The following SLC4A2 variants were observed in gnomAD, a reference collection of about 807,000 sequenced individuals.
SLC4A2 encodes the protein solute carrier family 4 member 2.
SLC4A2 carries 36 observed loss-of-function variants against 115.0 expected under a neutral mutation model. The ratio of observed to expected loss-of-function variants is 0.31; its 90% CI spans 0.24 to 0.41. The LOEUF is 0.41. Ranked by LOEUF, SLC4A2 falls within the 10% of genes least tolerant of loss-of-function variation. The pLI is 1.00. For synonymous variants in SLC4A2, 708 were observed against 708.3 expected (o/e 1.00, Z 0.01); for missense variants, 1,252 against 1,705.6 (o/e 0.73, Z 4.68).
intron 2 of SLC4A2, 41 bp downstream of exon 2, chr7:151,062,079 C>T (rs746142136): frequency 1.9e-6 from 3 of 1,575,444 alleles, no homozygotes; most frequent in East Asian, 2.3e-5. Flanking sequence ...CCTTCCCTCC[C>T]TGGGCAGCCT....
chr7:151,074,256 T>C lies in SLC4A2; in HGVS notation c.2753T>C (p.Leu918Pro). 6.2e-7 allele frequency: 1 copy of C among 1,611,856 alleles called. No homozygotes were observed. The highest frequency in any genetic ancestry group is 8.5e-7 in the Non-Finnish European group (1 of 1,179,652). ...GGCACCTTCTTCATCGCCTTCTTCC[T>C]GCGCAAATTCAAGAACAGCCGGTTC... ...MAGTFFIAFF[L>P]RKFKNSRFFP... Residue 918 changes from leucine to proline, a missense_variant, in exon 17 of 23, where the codon CTG (leucine) becomes CCG (proline). Coordinates refer to ENST00000413384, the MANE Select transcript of SLC4A2 (RefSeq NM_003040.4).
At position 151,066,979 on chromosome 7, in the gene SLC4A2, C is replaced by G. The variant is rs376881281; in HGVS notation, c.952C>G (p.His318Asp). Residue 318 changes from histidine to aspartate, a missense_variant, in exon 7 of 23, where the codon CAC (histidine) becomes GAC (aspartate). By Grantham distance (81) the His-to-Asp change is moderately conservative. Coordinates refer to ENST00000413384, the MANE Select transcript of SLC4A2 (RefSeq NM_003040.4). ...PTPRARPRAP[H>D]KPHEVFVELN... ...ACCTCGGGCCCGACCCCGGGCCCCC[C>G]ACAAGCCCCATGAGGTACCATGCTC... 1.1e-5 allele frequency: 18 copies of G among 1,602,316 alleles called. No individual in the cohort carries two copies. The highest frequency in any genetic ancestry group is 4.0e-5 in the African/African-American group (3 of 74,226).
chr7:151,075,531 C>T, intron 20 of SLC4A2, 23 bp downstream of exon 20: 1 of 1,594,700 alleles, frequency 6.3e-7, no homozygotes, highest in Non-Finnish European at 8.5e-7. Context: ...TTGCCTTTCC[C>T]TTCCCAGTGG....
chr7:151,068,915 G>A (rs1797328604), intron 8 of SLC4A2, among the ~76,000 whole-genome samples: 1 of 151,666 alleles, frequency 6.6e-6, no homozygotes, highest in Admixed American at 6.6e-5. Flanking sequence ...TGAGGTGGGT[G>A]GATTACGAGG....
Position 151,076,060 on chromosome 7 carries a change from C to T in SLC4A2, c.3519C>T (p.Cys1173=), listed in dbSNP as rs1392114435. 6.2e-7 allele frequency: 1 copy of T among 1,611,640 alleles called. No homozygotes were observed. Among genetic ancestry groups the T allele is most frequent in the Non-Finnish European group, 8.5e-7 (1 of 1,179,834 alleles). ...MHLFTALQLL[C]LALLWAVMST... The stretch of plus-strand genomic sequence containing the variant: ...TGTTCACGGCCCTGCAGCTGCTCTG[C>T]CTGGCCCTGCTCTGGGCCGTCATGT... The change falls in exon 22 of 23, where the codon TGC becomes TGT. Residue 1173 remains cysteine (C), a synonymous_variant. Coordinates refer to ENST00000413384, the MANE Select transcript of SLC4A2 (RefSeq NM_003040.4).
At chr7:151,068,873 C>T (rs574083359) in intron 8 of SLC4A2, among the ~76,000 whole-genome samples, 1 of 151,406 alleles carries the variant, frequency 6.6e-6, no homozygotes, top group Non-Finnish European at 1.5e-5. Context: ...GGCGCGGTGG[C>T]TCATGCCTAT....
chr7:151,065,723 G>A (rs577743863), intron 5 of SLC4A2, among the ~76,000 whole-genome samples: 1 of 152,220 alleles, frequency 6.6e-6, no homozygotes, highest in South Asian at 2.1e-4. Flanking sequence ...CCTTAGGGGC[G>A]CCAGGATGGC....
At position 151,071,322 on chromosome 7, in the gene SLC4A2, A is replaced by G. The variant is rs1017765263; in HGVS notation, c.1975+25A>G. The G allele has an allele frequency of 5.2e-6, 8 of 1,544,128 alleles. No homozygotes were observed. In the African/African-American group the frequency reaches 8.2e-5, roughly 16 times the overall value. ...GGTACGGCCAGGGCGGGCTGGGGCC[A>G]GGGCTGCCTCGAGGGGGTGAGGTGG... On this transcript the variant is annotated intron_variant, in intron 13 of 22. Transcript: ENST00000413384. This position sits in a 1 kb window ranked among gnomAD's most constrained non-coding sequence, Gnocchi z 5.5.
intron 8 of SLC4A2, among the ~76,000 whole-genome samples, chr7:151,069,150 A>AAAAAAATAAAAAAAAAAAAAT (rs1797340870): frequency 6.8e-6 from 1 of 146,462 alleles, no homozygotes; most frequent in Non-Finnish European, 1.5e-5. Flanking sequence ...CAAAAAAAAA[A>AAAAAAATAAAAAAAAAAAAAT]AAAAAAAAAG....
In SLC4A2 at chr7:151,070,249, TG is replaced by T; in HGVS notation, c.1356del (p.His453IlefsTer52). ...NISAGSLGSL[L>X]GHHHGQGAES... ...TCAGCTGGCTCCCTGGGCTCCCTGC[TG>T]GGGCATCACCATGGTCAGGGGGCTG... On this transcript the variant is annotated frameshift_variant, in exon 10 of 23. Coordinates refer to ENST00000413384, the MANE Select transcript of SLC4A2 (RefSeq NM_003040.4). LOFTEE classifies it high-confidence loss of function. 1 of 1,614,058 alleles carries T rather than the reference TG, an allele frequency of 6.2e-7. No individual in the cohort carries two copies. Among genetic ancestry groups the T allele is most frequent in the Non-Finnish European group, 8.5e-7 (1 of 1,180,024 alleles).
chr7:151,076,370 G>T lies in SLC4A2; in HGVS notation c.*3G>T. On this transcript the variant is annotated 3_prime_UTR_variant, in exon 23 of 23. Transcript: ENST00000413384. ...ATGAGATGCCCATGCCTGTGTAGCC[G>T]CCACCGAGGGACAGCCGAGGGACCG... The T allele has an allele frequency of 6.7e-7, 1 of 1,490,440 alleles. No homozygotes were observed. Among genetic ancestry groups the T allele is most frequent in the Non-Finnish European group, 8.9e-7 (1 of 1,119,656 alleles). The allele number at this position is 1,490,440 out of a possible 1,614,324, so 92.3% of individuals were successfully genotyped here. A position where few individuals can be genotyped will look rare whatever the true frequency, so the allele number is the denominator to read the frequency against.
At position 151,064,598 on chromosome 7, in the gene SLC4A2, A is replaced by G. The variant is rs768379020; in HGVS notation, c.290A>G (p.Lys97Arg). The G allele has an allele frequency of 1.9e-6, 3 of 1,613,116 alleles. No individual in the cohort carries two copies. Among genetic ancestry groups the G allele is most frequent in the East Asian group, 4.5e-5 (2 of 44,896 alleles). ...CTGCCTCCGGATGCACGCCGCCGCA[A>G]GACACCCCAGGGCCCAGGACGGAAG... ...THLPPDARRRKTPQGPGRKPR... is the reference protein window; with the variant it reads ...THLPPDARRRRTPQGPGRKPR... Residue 97 changes from lysine to arginine, a missense_variant, in exon 4 of 23, where the codon AAG becomes AGG. Lys to Arg is a conservative substitution (Grantham distance 26). Transcript: ENST00000413384.
At chr7:151,075,571 C>T (rs1232676818) in intron 20 of SLC4A2, 35 bp from the exon 21 acceptor site, 68 of 1,585,640 alleles carry the variant, frequency 4.3e-5, no homozygotes, top group Non-Finnish European at 5.8e-5. Context: ...GCCAGGGGAC[C>T]CCGGGGCCAA....
At position 151,074,417 on chromosome 7, in the gene SLC4A2, G is replaced by A; in HGVS notation, c.2809G>A (p.Asp937Asn). The change falls in exon 18 of 23, where the codon GAC becomes AAC. Residue 937 changes from aspartate (D) to asparagine (N), a missense_variant. Transcript: ENST00000413384. ...FPGRIRRVIGDFGVPIAILIM... is the reference protein window; with the variant it reads ...FPGRIRRVIGNFGVPIAILIM... ...CACTCAGATCCGGCGGGTGATTGGGGACTTTGGGGTGCCCATCGCCATCCT... is the reference window on the plus strand; with the variant it reads ...CACTCAGATCCGGCGGGTGATTGGGAACTTTGGGGTGCCCATCGCCATCCT... 6.2e-7 allele frequency: 1 copy of A among 1,613,976 alleles called. No homozygotes were observed. The highest frequency in any genetic ancestry group is 8.5e-7 in the Non-Finnish European group (1 of 1,180,024).
Position 151,060,427 on chromosome 7 carries a change from G to C in SLC4A2, c.-64+665G>C, listed in dbSNP as rs924909478. On this transcript the variant is annotated intron_variant, in intron 1 of 22. Transcript: ENST00000413384. The surrounding 1 kb of genome is among the most constrained non-coding windows in gnomAD (Gnocchi z 5.9). ...GCTGCGGAATTTACGAGTTCACTTG[G>C]GGGGTGGTTAATGCCCAAGTGGGGG... Among the ~76,000 whole-genome samples the C allele has an allele frequency of 2.6e-5, 4 of 152,232 alleles. No homozygotes were observed. Among genetic ancestry groups the C allele is most frequent in the Non-Finnish European group, 5.9e-5 (4 of 68,040 alleles).
intron 2 of SLC4A2, chr7:151,062,681 C>A: frequency 6.7e-7 from 1 of 1,503,046 alleles, no homozygotes; most frequent in East Asian, 2.6e-5. Flanking sequence ...GGGTCTGCGA[C>A]CCTCTCTCCC....
Position 151,071,658 on chromosome 7 carries a change from C to A in SLC4A2, c.2192-31C>A. The stretch of plus-strand genomic sequence containing the variant: ...GCGGGGACTGCCCAGGGCCTGGCCA[C>A]CAGCTCCTGAGCTGGTTCCTACACC... On this transcript the variant is annotated intron_variant, in intron 14 of 22. Coordinates refer to ENST00000413384, the MANE Select transcript of SLC4A2 (RefSeq NM_003040.4). This position sits in a 1 kb window ranked among gnomAD's most constrained non-coding sequence, Gnocchi z 5.5. 6.2e-7 allele frequency: 1 copy of A among 1,612,452 alleles called. No homozygotes were observed. The highest frequency in any genetic ancestry group is 8.5e-7 in the Non-Finnish European group (1 of 1,179,198).
At chr7:151,063,742 G>GT (rs756413384) in intron 2 of SLC4A2, among the ~76,000 whole-genome samples, 47 of 151,396 alleles carry the variant, frequency 3.1e-4, no homozygotes, top group Non-Finnish European at 6.2e-4. Flanking sequence ...TTTTGTTTTT[G>GT]TTTTGAGACG....
Position 151,071,659 on chromosome 7 carries a change from C to T in SLC4A2, c.2192-30C>T, listed in dbSNP as rs767723591. On this transcript the variant is annotated intron_variant, in intron 14 of 22. Coordinates refer to ENST00000413384, the MANE Select transcript of SLC4A2 (RefSeq NM_003040.4). This position sits in a 1 kb window ranked among gnomAD's most constrained non-coding sequence, Gnocchi z 5.5. Reference sequence around the variant, plus strand: ...CGGGGACTGCCCAGGGCCTGGCCACCAGCTCCTGAGCTGGTTCCTACACCC... The same window carrying T: ...CGGGGACTGCCCAGGGCCTGGCCACTAGCTCCTGAGCTGGTTCCTACACCC... 4 of 1,612,222 alleles carry T rather than the reference C, an allele frequency of 2.5e-6. No homozygotes were observed. In the East Asian group the frequency reaches 6.7e-5, roughly 27 times the overall value.
Sources: allele counts gnomAD v4.1 joint callset (sites outside exome capture counted in the v4.1 genomes callset), GRCh38; gene constraint gnomAD v4.1.1; non-coding constraint Gnocchi (gnomAD v3.1); transcripts MANE v1.5; gene names NCBI Gene and HGNC (gene_info 2026-07-23, HGNC 2026-07-21).